Variants in TBC1D15 observed in about 807,000 individuals in gnomAD.
TBC1D15 encodes the protein TBC1 domain family member 15, also known as GAP for RAB7.
In TBC1D15, 39 loss-of-function variants were observed where a neutral mutation model predicts 95.4. The observed-to-expected ratio is 0.41, with a 90% CI of 0.32 to 0.53. The LOEUF is 0.53. Ranked by LOEUF, TBC1D15 falls within the 20% of genes least tolerant of loss-of-function variation. The probability of loss-of-function intolerance (pLI) is 0.29; values close to 1 mark genes in which losing one functional copy is unlikely to be tolerated. For synonymous variants in TBC1D15, 258 were observed against 261.3 expected (o/e 0.99, Z 0.12); for missense variants, 733 against 794.3 (o/e 0.92, Z 0.93).
At chr12:71,847,425 G>T (rs1010530669) in intron 1 of TBC1D15, among the ~76,000 whole-genome samples, 1 of 151,812 alleles carries the variant, frequency 6.6e-6, no homozygotes, top group African/African-American at 2.4e-5. Flanking sequence ...GGCCAGGCAC[G>T]GTGGCTCACG....
chr12:71,879,451 G>A (rs1378612325), intron 3 of TBC1D15, among the ~76,000 whole-genome samples: 1 of 152,004 alleles, frequency 6.6e-6, no homozygotes, highest in Non-Finnish European at 1.5e-5. Context: ...ACCTGTCTCT[G>A]TTTAATGTAT....
intron 11 of TBC1D15, among the ~76,000 whole-genome samples, chr12:71,910,474 T>C (rs1198309917): frequency 6.6e-6 from 1 of 151,820 alleles, no homozygotes; most frequent in Non-Finnish European, 1.5e-5. Context: ...TTTCACGATA[T>C]TGATTCTTCC....
chr12:71,845,034 TTAG>T (rs1490127321), intron 1 of TBC1D15, among the ~76,000 whole-genome samples: 7 of 152,158 alleles, frequency 4.6e-5, no homozygotes, highest in Non-Finnish European at 1.0e-4. Flanking sequence ...TCTGAAGGAT[TTAG>T]TAGAAGTTAT....
At chr12:71,900,952 A>G (rs1388521028) in intron 10 of TBC1D15, among the ~76,000 whole-genome samples, 1 of 152,220 alleles carries the variant, frequency 6.6e-6, no homozygotes, top group Admixed American at 6.5e-5. Context: ...AGAGAAAGAA[A>G]TAATGGGCAT....
rs937557171 is a variant in TBC1D15 at position 71,913,678 on chromosome 12, T to G, written c.1301-148T>G. On this transcript the variant is annotated intron_variant, in intron 11 of 16. Coordinates refer to ENST00000485960, the MANE Select transcript of TBC1D15 (RefSeq NM_001146213.3). The stretch of plus-strand genomic sequence containing the variant: ...TAGAGTTCCTCCTCTTCATTTATAT[T>G]CTTTTCTTGGTGAACATCAGTGTCT... 13 of 571,540 alleles carry G rather than the reference T, an allele frequency of 2.3e-5. No homozygotes were observed. The South Asian group carries it at 2.7e-4, about 12-fold the overall frequency. 35.4% of individuals were successfully genotyped at this position (571,540 alleles called of 1,614,324 possible).
chr12:71,912,892 C>G (rs945267956), intron 11 of TBC1D15, among the ~76,000 whole-genome samples: 2 of 151,970 alleles, frequency 1.3e-5, no homozygotes, highest in African/African-American at 4.8e-5. Flanking sequence ...TTCATTGGTT[C>G]AAGAACCTCT....
At chr12:71,917,994 C>CATTTTTTTTCT (rs1904112704) in intron 13 of TBC1D15, among the ~76,000 whole-genome samples, 197 bp downstream of exon 13, 4 of 151,604 alleles carry the variant, frequency 2.6e-5, no homozygotes, top group Admixed American at 2.6e-4. Flanking sequence ...CCCATCTCTA[C>CATTTTTTTTCT]AAGGAAAAAA....
chr12:71,880,265 AG>A (rs1230351762), intron 3 of TBC1D15, among the ~76,000 whole-genome samples: 1 of 150,978 alleles, frequency 6.6e-6, no homozygotes, highest in Non-Finnish European at 1.5e-5. Context: ...CTCTGACTGC[AG>A]GGGAGTCTAG....
chr12:71,905,881 T>A (rs1294435809), intron 10 of TBC1D15, among the ~76,000 whole-genome samples: 1 of 152,100 alleles, frequency 6.6e-6, no homozygotes, highest in Non-Finnish European at 1.5e-5. Context: ...TTTTAATTAT[T>A]ACTATTTTTG....
At chr12:71,884,675 T>G in intron 4 of TBC1D15, 136 bp from the exon 5 acceptor site, 1 of 659,688 alleles carries the variant, frequency 1.5e-6, no homozygotes, top group Non-Finnish European at 2.6e-6. Flanking sequence ...CTAATACAGG[T>G]GGAAGCCATA....
chr12:71,880,307 T>TCC, intron 3 of TBC1D15, among the ~76,000 whole-genome samples, 162 bp from the exon 4 acceptor site: 1 of 151,186 alleles, frequency 6.6e-6, no homozygotes, highest in African/African-American at 2.4e-5. Flanking sequence ...TTTTTTTTTT[T>TCC]CATAAAGATG....
rs1245358488 is a variant in TBC1D15 at position 71,872,121 on chromosome 12, A to G, written c.82A>G (p.Asn28Asp). The G allele has an allele frequency of 1.3e-6, 2 of 1,580,306 alleles. No homozygotes were observed. Among genetic ancestry groups the G allele is most frequent in the Non-Finnish European group, 1.7e-6 (2 of 1,165,668 alleles). Residue 28 changes from asparagine to aspartate, a missense_variant, in exon 2 of 17, where the codon AAT becomes GAT. Coordinates refer to ENST00000485960, the MANE Select transcript of TBC1D15 (RefSeq NM_001146213.3). ...TATTCACTCATCTTGTGGAAAGACC[A>G]ATGACCAAGACGGCTTGATTTCAGG... Reference protein sequence around the residue: ...VYIHSSCGKTNDQDGLISGIL... With the variant: ...VYIHSSCGKTDDQDGLISGIL...
intron 1 of TBC1D15, among the ~76,000 whole-genome samples, chr12:71,860,946 CCTGT>C (rs941270902): frequency 2.0e-5 from 3 of 151,824 alleles, no homozygotes; most frequent in African/African-American, 7.3e-5. Flanking sequence ...TGCTTTTTTT[CCTGT>C]CTATTGAGAT....
intron 1 of TBC1D15, among the ~76,000 whole-genome samples, chr12:71,844,547 T>G (rs1885845811): frequency 6.6e-6 from 1 of 152,234 alleles, no homozygotes; most frequent in Non-Finnish European, 1.5e-5. Context: ...TCACTCTGCC[T>G]GAGCCTCCTA....
intron 2 of TBC1D15, 87 bp downstream of exon 2, chr12:71,872,255 G>A: frequency 2.8e-6 from 2 of 703,862 alleles, no homozygotes; most frequent in Non-Finnish European, 4.5e-6. Flanking sequence ...TGAATTTCAT[G>A]TGTAAGATAC....
intron 6 of TBC1D15, chr12:71,894,387 G>T: frequency 6.2e-7 from 1 of 1,612,462 alleles, no homozygotes; most frequent in Non-Finnish European, 8.5e-7. Flanking sequence ...TAAGCACTGC[G>T]TATGTTTTCT....
intron 3 of TBC1D15, among the ~76,000 whole-genome samples, 162 bp from the exon 4 acceptor site, chr12:71,880,307 T>C (rs60355059): frequency 0.027 from 4,123 of 151,158 alleles, 194 homozygotes; most frequent in African/African-American, 0.093. Flanking sequence ...TTTTTTTTTT[T>C]CATAAAGATG....
In TBC1D15 at chr12:71,920,728, T is replaced by C; in HGVS notation, c.1600-3T>C. On this transcript the variant is annotated splice_region_variant and splice_polypyrimidine_tract_variant and intron_variant, in intron 14 of 16. Coordinates refer to ENST00000485960, the MANE Select transcript of TBC1D15 (RefSeq NM_001146213.3). ...TGCAAAATAGTTCTTCTGCCTTCTA[T>C]AGGTAATGTGGACCGAACTACCATG... is the stretch of plus-strand genomic sequence containing the variant. The C allele has an allele frequency of 6.2e-7, 1 of 1,605,546 alleles. No individual in the cohort carries two copies. The highest frequency in any genetic ancestry group is 8.5e-7 in the Non-Finnish European group (1 of 1,173,784).
At chr12:71,911,632 G>A (rs1168953951) in intron 11 of TBC1D15, among the ~76,000 whole-genome samples, 1 of 67,494 alleles carries the variant, frequency 1.5e-5, no homozygotes, top group Admixed American at 1.7e-4. Context: ...GTGGGGTGGG[G>A]GGAGGGGGGA....
Sources: gnomAD v4.1 joint callset for allele counts (sites outside exome capture counted in the v4.1 genomes callset) on GRCh38, gnomAD v4.1.1 for gene constraint, MANE v1.5 for transcripts, NCBI Gene and HGNC (gene_info 2026-07-23, HGNC 2026-07-21) for gene names.